The following DLG2 variants were observed in gnomAD, a reference collection of about 807,000 sequenced individuals.
DLG2 encodes the protein discs large MAGUK scaffold protein 2.
A neutral mutation model predicts 132.5 loss-of-function variants in DLG2; 45 were observed. That is an observed-to-expected ratio of 0.34 (90% CI 0.27 to 0.44). The LOEUF is 0.44. Ranked by LOEUF, DLG2 falls within the 20% of genes least tolerant of loss-of-function variation. The probability of loss-of-function intolerance (pLI) is 1.00; values close to 1 mark genes in which losing one functional copy is unlikely to be tolerated. For synonymous variants in DLG2, 424 were observed against 419.6 expected (o/e 1.01, Z -0.13); for missense variants, 1,045 against 1,196.9 (o/e 0.87, Z 1.87).
intron 4 of DLG2, among the ~76,000 whole-genome samples, chr11:85,206,878 A>G (rs932485991): frequency 2.6e-5 from 4 of 152,050 alleles, no homozygotes; most frequent in East Asian, 1.9e-4. Context: ...TTCAAGTCCA[A>G]TGTCATCACA....
chr11:84,314,170 A>G (rs186491455), intron 7 of DLG2, among the ~76,000 whole-genome samples: 1 of 152,340 alleles, frequency 6.6e-6, no homozygotes, highest in East Asian at 1.9e-4. Context: ...GCAAGATCCA[A>G]GCTCCCAGAT....
intron 6 of DLG2, among the ~76,000 whole-genome samples, chr11:84,896,869 A>T (rs2090256553): frequency 6.6e-6 from 1 of 151,672 alleles, no homozygotes; most frequent in Non-Finnish European, 1.5e-5. Flanking sequence ...ATGTATGCAT[A>T]GCTGGAAAAA....
intron 9 of DLG2, among the ~76,000 whole-genome samples, chr11:84,128,823 A>G (rs1290986235): frequency 1.3e-5 from 2 of 152,158 alleles, no homozygotes; most frequent in Admixed American, 6.6e-5. Context: ...AGCAGTAGCC[A>G]TTTAAGTTGA....
intron 6 of DLG2, among the ~76,000 whole-genome samples, chr11:84,570,596 T>C (rs1470420593): frequency 6.6e-6 from 1 of 152,136 alleles, no homozygotes; most frequent in African/African-American, 2.4e-5. Context: ...CTTGGAATCA[T>C]GTACCATCAC....
At position 85,302,403 on chromosome 11, in the gene DLG2, G is replaced by A. The variant is rs191462055; in HGVS notation, c.41-17038C>T. Among the ~76,000 whole-genome samples, 4 of 152,226 alleles carry A rather than the reference G, an allele frequency of 2.6e-5. No individual in the cohort carries two copies. The East Asian group carries it at 7.7e-4, about 29-fold the overall frequency. Reference sequence around the variant, plus strand: ...GCTTCTCATACTAGTCAGGCAAGGTGGTAGGTAAGAACTACACCATCATCT... The same window carrying A: ...GCTTCTCATACTAGTCAGGCAAGGTAGTAGGTAAGAACTACACCATCATCT... On this transcript the variant is annotated intron_variant, in intron 3 of 27. Coordinates refer to ENST00000376104, the MANE Select transcript of DLG2 (RefSeq NM_001142699.3).
chr11:83,968,418 T>G (rs1483411), intron 12 of DLG2, among the ~76,000 whole-genome samples: 107,212 of 151,980 alleles, frequency 0.71, 38,251 homozygotes, highest in South Asian at 0.79. Context: ...CCCTTAAATC[T>G]TTTTTCATTT....
At chr11:84,338,276 A>T (rs1461057949) in intron 7 of DLG2, among the ~76,000 whole-genome samples, 1 of 152,076 alleles carries the variant, frequency 6.6e-6, no homozygotes, top group Non-Finnish European at 1.5e-5. Flanking sequence ...CGAGATTCCA[A>T]CCCCAAGCCT....
At chr11:83,649,743 C>T (rs1420651238) in intron 18 of DLG2, among the ~76,000 whole-genome samples, 1 of 152,240 alleles carries the variant, frequency 6.6e-6, no homozygotes, top group Non-Finnish European at 1.5e-5. Context: ...ATGGGAGGCA[C>T]TAACAGGAGA....
chr11:83,906,077 CTCTCTATATA>C lies in DLG2; in HGVS notation c.1496+24241_1496+24250del, dbSNP rs1174658528. On this transcript the variant is annotated intron_variant, in intron 15 of 27. Coordinates refer to ENST00000376104, the MANE Select transcript of DLG2 (RefSeq NM_001142699.3). ...TGTCTCTCTCTCTCTCTCTCTCTCT[CTCTCTATATA>C]TATATATATATATATATACATATAT... Among the ~76,000 whole-genome samples the C allele has an allele frequency of 5.4e-3, 527 of 97,162 alleles. 2 individuals carry two copies. Among genetic ancestry groups the C allele is most frequent in the South Asian group, 0.032 (85 of 2,664 alleles). The allele number at this position is 97,162 out of a possible 152,430, so 63.7% of individuals were successfully genotyped here.
intron 6 of DLG2, among the ~76,000 whole-genome samples, chr11:84,846,864 A>G (rs2081540527): frequency 6.6e-6 from 1 of 152,186 alleles, no homozygotes; most frequent in South Asian, 2.1e-4. Context: ...ATGTATAAAT[A>G]TCATATGCAT....
At chr11:84,283,733 A>G (rs1177075489) in intron 7 of DLG2, among the ~76,000 whole-genome samples, 1 of 152,152 alleles carries the variant, frequency 6.6e-6, no homozygotes, top group Non-Finnish European at 1.5e-5. Context: ...ACTAAACTGT[A>G]AGCTCAGAGA....
intron 19 of DLG2, among the ~76,000 whole-genome samples, chr11:83,574,192 C>T (rs903225491): frequency 1.3e-5 from 2 of 152,004 alleles, no homozygotes; most frequent in South Asian, 2.1e-4. Flanking sequence ...GTGGAGGGTC[C>T]CTTGAAGCCA....
At chr11:85,531,757 C>G (rs565323865) in intron 3 of DLG2, among the ~76,000 whole-genome samples, 2 of 152,256 alleles carry the variant, frequency 1.3e-5, no homozygotes, top group Non-Finnish European at 2.9e-5. Flanking sequence ...AAGACACACG[C>G]TGCAAGATAA....
intron 8 of DLG2, among the ~76,000 whole-genome samples, chr11:84,238,727 A>G (rs567520038): frequency 1.1e-3 from 161 of 151,884 alleles, no homozygotes; most frequent in Non-Finnish European, 1.8e-3. Flanking sequence ...ATGTTAAGCC[A>G]TTTCTCTTTA....
chr11:83,462,903 C>T (rs1051896810), intron 26 of DLG2, among the ~76,000 whole-genome samples: 5 of 152,038 alleles, frequency 3.3e-5, no homozygotes, highest in African/African-American at 1.2e-4. Flanking sequence ...TCTATTGATT[C>T]TTAACTACTG....
chr11:83,862,186 TGTAA>T lies in DLG2; in HGVS notation c.1565+12230_1565+12233del, dbSNP rs1299551458. On this transcript the variant is annotated intron_variant, in intron 16 of 27. Coordinates refer to ENST00000376104, the MANE Select transcript of DLG2 (RefSeq NM_001142699.3). The stretch of plus-strand genomic sequence containing the variant: ...CGCAATAGCCAAGATTTGGAAGAAA[TGTAA>T]GTGTCTACCAACAAACGAGAATGGA... Among the ~76,000 whole-genome samples the T allele has an allele frequency of 4.6e-5, 7 of 152,186 alleles. No individual in the cohort carries two copies. In the East Asian group the frequency reaches 9.6e-4, roughly 21 times the overall value.
chr11:84,888,138 A>G (rs1355668947), intron 6 of DLG2, among the ~76,000 whole-genome samples: 1 of 152,120 alleles, frequency 6.6e-6, no homozygotes, highest in Non-Finnish European at 1.5e-5. Context: ...TTTATTTTAC[A>G]TGTCAACTTG....
At chr11:84,639,114 C>T (rs2099647252) in intron 6 of DLG2, among the ~76,000 whole-genome samples, 1 of 152,092 alleles carries the variant, frequency 6.6e-6, no homozygotes, top group Admixed American at 6.5e-5. Context: ...TGAGTTCCTT[C>T]TCATTTATTT....
intron 6 of DLG2, among the ~76,000 whole-genome samples, chr11:84,645,159 G>A (rs1022012942): frequency 2.0e-5 from 3 of 152,174 alleles, no homozygotes; most frequent in Non-Finnish European, 4.4e-5. Context: ...TATGAAGGGA[G>A]ACAGGCTTTG....
Sources: gnomAD v4.1 joint callset for allele counts (sites outside exome capture counted in the v4.1 genomes callset) on GRCh38, gnomAD v4.1.1 for gene constraint, MANE v1.5 for transcripts, NCBI Gene and HGNC (gene_info 2026-07-23, HGNC 2026-07-21) for gene names.